RAB38: variants seen among roughly 807,000 people sequenced by gnomAD.
The protein encoded by RAB38 is ras-related protein Rab-38.
Under a neutral mutation model 18.4 loss-of-function variants are expected in RAB38, and 15 were observed. That is an observed-to-expected ratio of 0.82 (90% CI 0.55 to 1.26). RAB38 has a LOEUF of 1.26. Ranked by LOEUF, RAB38 falls within the 50% of genes most tolerant of loss-of-function variation. The pLI is 0.00. For synonymous variants in RAB38, 101 were observed against 104.4 expected, an observed-to-expected ratio of 0.97 and a Z score of 0.20; for missense variants, 294 against 267.4, an observed-to-expected ratio of 1.10 and a Z score of -0.69.
the RAB38 span, among the ~76,000 whole-genome samples, chr11:87,939,498 T>A: frequency 6.6e-6 from 1 of 152,076 alleles, no homozygotes; most frequent in East Asian, 1.9e-4. Context: ...CTTAAATGAC[T>A]ACAGTTGTTT....
the RAB38 span, among the ~76,000 whole-genome samples, chr11:87,852,576 G>A: frequency 1.3e-5 from 2 of 151,950 alleles, no homozygotes; most frequent in African/African-American, 4.8e-5. Flanking sequence ...GGCACACCAC[G>A]GTTCAAATGC....
the RAB38 span, among the ~76,000 whole-genome samples, chr11:88,036,623 C>T: frequency 6.6e-6 from 1 of 151,966 alleles, no homozygotes; most frequent in African/African-American, 2.4e-5. Flanking sequence ...ATTATTTTCT[C>T]AGATTAAGTT....
chr11:87,957,085 T>C, the RAB38 span, among the ~76,000 whole-genome samples: 10 of 152,170 alleles, frequency 6.6e-5, no homozygotes, highest in South Asian at 2.1e-3. Context: ...TGTCTATTGT[T>C]ATAGCACTGT....
chr11:88,017,672 T>A, the RAB38 span, among the ~76,000 whole-genome samples: 1 of 147,884 alleles, frequency 6.8e-6, no homozygotes, highest in Non-Finnish European at 1.5e-5. Flanking sequence ...TGTCTCTATA[T>A]GTTACCCAGA....
At chr11:88,131,591 A>G (rs1942768533) in intron 2 of RAB38, among the ~76,000 whole-genome samples, 1 of 152,172 alleles carries the variant, frequency 6.6e-6, no homozygotes, top group African/African-American at 2.4e-5. Flanking sequence ...ACCACTTTGA[A>G]TGTGCTTGAT....
At chr11:88,139,280 T>C (rs565654812) in intron 2 of RAB38, among the ~76,000 whole-genome samples, 1 of 152,226 alleles carries the variant, frequency 6.6e-6, no homozygotes, top group Non-Finnish European at 1.5e-5. Flanking sequence ...CACTGCACAA[T>C]ATCCACTAAA....
chr11:87,910,633 CT>C, the RAB38 span, among the ~76,000 whole-genome samples: 2,117 of 129,934 alleles, frequency 0.016, 9 homozygotes, highest in African/African-American at 0.07. Flanking sequence ...AGTTCATTTT[CT>C]TTTTTTTTTT....
chr11:87,861,560 T>C, the RAB38 span, among the ~76,000 whole-genome samples: 1 of 151,832 alleles, frequency 6.6e-6, no homozygotes, highest in African/African-American at 2.4e-5. Flanking sequence ...TTTGAGATGC[T>C]CAGGGCATTT....
chr11:88,031,819 G>T, the RAB38 span, among the ~76,000 whole-genome samples: 1 of 152,266 alleles, frequency 6.6e-6, no homozygotes, highest in African/African-American at 2.4e-5. Context: ...GTAATTTACA[G>T]ATTCAATACC....
At chr11:88,151,916 T>A (rs899899161) in intron 1 of RAB38, among the ~76,000 whole-genome samples, 1 of 152,190 alleles carries the variant, frequency 6.6e-6, no homozygotes, top group Non-Finnish European at 1.5e-5. Context: ...CACATGACAA[T>A]CTTACAGTAT....
the RAB38 span, among the ~76,000 whole-genome samples, chr11:87,884,531 G>T: frequency 2.0e-5 from 3 of 151,928 alleles, no homozygotes; most frequent in African/African-American, 7.2e-5. Context: ...CATAGCAATG[G>T]GATGGGACTG....
At chr11:88,012,150 A>C in the RAB38 span, among the ~76,000 whole-genome samples, 1 of 152,266 alleles carries the variant, frequency 6.6e-6, no homozygotes, top group African/African-American at 2.4e-5. Context: ...CTGGTCACCA[A>C]GAGTCATGGC....
At chr11:88,098,820 T>C in the RAB38 span, 2 of 151,982 alleles carry the variant, frequency 1.3e-5, no homozygotes. Context: ...ATGTTGCTTA[T>C]ACTTGTGGTA....
At chr11:87,889,303 A>G in the RAB38 span, among the ~76,000 whole-genome samples, 3 of 151,892 alleles carry the variant, frequency 2.0e-5, no homozygotes, top group East Asian at 3.9e-4. Context: ...AATGCTTGCA[A>G]TGAGCACACA....
At chr11:88,067,209 T>C in the RAB38 span, among the ~76,000 whole-genome samples, 30 of 152,284 alleles carry the variant, frequency 2.0e-4, no homozygotes, top group Non-Finnish European at 4.1e-4. Context: ...AGAGGAAGAT[T>C]AGAATATTTA....
rs755523753 is a variant in RAB38 at position 88,149,745 on chromosome 11, T to G, written c.413A>C (p.Asn138Thr). ...GAACTGGTCCATCTTGAGGCCATTG[T>G]TCATGAGCACATCCTTCCCCTGGTC... ...KCDQGKDVLM[N>T]NGLKMDQFCK... Residue 138 changes from asparagine (N) to threonine (T), a missense_variant, in exon 2 of 3, where the codon AAC becomes ACC. By Grantham distance (65) the Asn-to-Thr change is moderately conservative. Coordinates refer to ENST00000243662, the MANE Select transcript of RAB38 (RefSeq NM_022337.3). The G allele has an allele frequency of 4.8e-5, 78 of 1,614,196 alleles. No individual in the cohort carries two copies. In the Middle Eastern group the frequency reaches 2.1e-3, roughly 44 times the overall value.
the RAB38 span, among the ~76,000 whole-genome samples, chr11:87,898,252 C>G: frequency 6.6e-6 from 1 of 151,670 alleles, no homozygotes; most frequent in East Asian, 2.0e-4. Context: ...ACTCTTCTAT[C>G]ATTCCCCAAA....
chr11:87,905,214 TTCTC>T, the RAB38 span, among the ~76,000 whole-genome samples: 1 of 151,728 alleles, frequency 6.6e-6, no homozygotes, highest in Non-Finnish European at 1.5e-5. Flanking sequence ...AAAATTTTCT[TTCTC>T]ATAATTTGTA....
chr11:88,035,295 C>T, the RAB38 span, among the ~76,000 whole-genome samples: 11 of 152,144 alleles, frequency 7.2e-5, no homozygotes, highest in African/African-American at 2.7e-4. Context: ...TTTTTCTTCA[C>T]AGCCAGTCTT....
Sources: allele counts gnomAD v4.1 joint callset (sites outside exome capture counted in the v4.1 genomes callset), GRCh38; gene constraint gnomAD v4.1.1; transcripts MANE v1.5; gene names NCBI Gene and HGNC (gene_info 2026-07-23, HGNC 2026-07-21).